SLC38A1: variants seen among roughly 807,000 people sequenced by gnomAD.
SLC38A1 encodes the protein solute carrier family 38 member 1.
In SLC38A1, 18 loss-of-function variants were observed where a neutral mutation model predicts 60.3. The ratio of observed to expected loss-of-function variants is 0.30; its 90% CI spans 0.21 to 0.44. The LOEUF (loss-of-function observed/expected upper bound fraction) is 0.44, where lower values mean the gene tolerates loss of function less well. Ranked by LOEUF, SLC38A1 falls within the 20% of genes least tolerant of loss-of-function variation. The pLI is 1.00. For synonymous variants in SLC38A1, 196 were observed against 212.1 expected (o/e 0.92, Z 0.66); for missense variants, 448 against 587.2 (o/e 0.76, Z 2.45).
In SLC38A1 at chr12:46,268,340, G is replaced by T. The variant is rs1312220421; in HGVS notation, c.-209+186C>A. Among the ~76,000 whole-genome samples, 1 of 152,210 alleles carries T rather than the reference G, an allele frequency of 6.6e-6. No individual in the cohort carries two copies. The highest frequency in any genetic ancestry group is 1.5e-5 in the Non-Finnish European group (1 of 68,028). Reference sequence around the variant, plus strand: ...GGCGCTTCCTCCCGCTGCCGCGTGCGTTCGGGAAGCACAGGAGACCTGGAC... The same window carrying T: ...GGCGCTTCCTCCCGCTGCCGCGTGCTTTCGGGAAGCACAGGAGACCTGGAC... On this transcript the variant is annotated intron_variant, in intron 1 of 16. Coordinates refer to ENST00000398637, the MANE Select transcript of SLC38A1 (RefSeq NM_030674.4). This position sits in a 1 kb window ranked among gnomAD's most constrained non-coding sequence, Gnocchi z 4.4.
At chr12:46,243,943 G>A (rs1941530166) in intron 1 of SLC38A1, among the ~76,000 whole-genome samples, 1 of 152,140 alleles carries the variant, frequency 6.6e-6, no homozygotes, top group Admixed American at 6.5e-5. Context: ...TATACTGCAT[G>A]GCGTTATAGA....
chr12:46,190,054 A>G (rs1202770831), intron 16 of SLC38A1, among the ~76,000 whole-genome samples: 1 of 152,044 alleles, frequency 6.6e-6, no homozygotes, highest in Non-Finnish European at 1.5e-5. Flanking sequence ...TGTAATTTAT[A>G]TTAGGTATTT....
At position 46,230,394 on chromosome 12, in the gene SLC38A1, A is replaced by G. The variant is rs555255652; in HGVS notation, c.123-755T>C. On this transcript the variant is annotated intron_variant, in intron 3 of 16. Transcript: ENST00000398637. Reference sequence around the variant, plus strand: ...AGCCAAGGCTTTGAGAAAGCAAGGGACTTAGAACTTGAATTCAAATCCTCA... The same window carrying G: ...AGCCAAGGCTTTGAGAAAGCAAGGGGCTTAGAACTTGAATTCAAATCCTCA... Among the ~76,000 whole-genome samples the G allele has an allele frequency of 2.0e-5, 3 of 152,304 alleles. No homozygotes were observed. The South Asian group carries it at 6.2e-4, about 32-fold the overall frequency.
chr12:46,219,866 C>A (rs1489505985), intron 5 of SLC38A1, among the ~76,000 whole-genome samples: 1 of 152,228 alleles, frequency 6.6e-6, no homozygotes, highest in Admixed American at 6.5e-5. Flanking sequence ...ACACTGCTGT[C>A]CTTGGATAGG....
chr12:46,265,721 G>A (rs1942330427), intron 1 of SLC38A1, among the ~76,000 whole-genome samples: 1 of 152,198 alleles, frequency 6.6e-6, no homozygotes, highest in Non-Finnish European at 1.5e-5. Context: ...CCTCATGAAA[G>A]AATGGAGATT....
chr12:46,218,905 T>A lies in SLC38A1; in HGVS notation c.315-9778A>T, dbSNP rs1190625201. On this transcript the variant is annotated intron_variant, in intron 5 of 16. Transcript: ENST00000398637. ...AATGGCAGAACTGGTTGGGCGAGAT[T>A]ACCAGTCTGGGTGGTGTCAGCTGAT... Among the ~76,000 whole-genome samples, 3 of 152,142 alleles carry A rather than the reference T, an allele frequency of 2.0e-5. No homozygotes were observed. In the East Asian group the frequency reaches 5.8e-4, roughly 29 times the overall value.
chr12:46,226,664 C>T, intron 5 of SLC38A1, among the ~76,000 whole-genome samples: 1 of 145,236 alleles, frequency 6.9e-6, no homozygotes, highest in Non-Finnish European at 1.5e-5. Flanking sequence ...TTGCTCTGTC[C>T]CCCAGGTTGG....
chr12:46,202,037 A>G (rs966546894), intron 12 of SLC38A1, among the ~76,000 whole-genome samples: 1 of 151,580 alleles, frequency 6.6e-6, no homozygotes, highest in Non-Finnish European at 1.5e-5. Context: ...TACAGAAAAT[A>G]CAAAAGTTAG....
intron 3 of SLC38A1, among the ~76,000 whole-genome samples, chr12:46,234,682 C>A (rs559867760): frequency 6.6e-6 from 1 of 152,016 alleles, no homozygotes; most frequent in African/African-American, 2.4e-5. Flanking sequence ...CTCCTGACCT[C>A]GTGATCCGCC....
chr12:46,263,115 A>C (rs1011174880), intron 1 of SLC38A1, among the ~76,000 whole-genome samples: 2 of 152,206 alleles, frequency 1.3e-5, no homozygotes, highest in African/African-American at 4.8e-5. Flanking sequence ...AATAAAAGTG[A>C]TAAGGGGACA....
chr12:46,203,160 C>G, intron 11 of SLC38A1, 71 bp from the exon 12 acceptor site: 1 of 1,256,232 alleles, frequency 8.0e-7, no homozygotes, highest in South Asian at 1.3e-5. Context: ...TCCAGTATTT[C>G]TGAGCTGTCT....
At chr12:46,209,840 T>G (rs780602692) in intron 5 of SLC38A1, among the ~76,000 whole-genome samples, 26 of 152,128 alleles carry the variant, frequency 1.7e-4, no homozygotes, top group Non-Finnish European at 3.5e-4. Context: ...CAAGAAAAAG[T>G]GCAGTTAAAA....
intron 1 of SLC38A1, among the ~76,000 whole-genome samples, chr12:46,248,500 A>G (rs890704337): frequency 1.3e-5 from 2 of 152,218 alleles, no homozygotes; most frequent in Admixed American, 1.3e-4. Flanking sequence ...ATATATATGC[A>G]CCCAATACAG....
intron 5 of SLC38A1, among the ~76,000 whole-genome samples, chr12:46,226,438 AAG>A (rs1159842642): frequency 2.6e-5 from 4 of 152,108 alleles, no homozygotes; most frequent in Admixed American, 2.0e-4. Context: ...AAATTCAATA[AAG>A]AGGGGAAAAA....
At chr12:46,222,754 A>C (rs1393095617) in intron 5 of SLC38A1, among the ~76,000 whole-genome samples, 1 of 152,192 alleles carries the variant, frequency 6.6e-6, no homozygotes, top group Non-Finnish European at 1.5e-5. Context: ...CCTGAAAGCA[A>C]TGGGAAATCT....
chr12:46,220,641 T>C (rs2137629735), intron 5 of SLC38A1, among the ~76,000 whole-genome samples: 1 of 152,332 alleles, frequency 6.6e-6, no homozygotes, highest in Non-Finnish European at 1.5e-5. Flanking sequence ...ACACAGACCA[T>C]CTTCGTTGCC....
rs372221603 is a variant in SLC38A1 at position 46,209,021 on chromosome 12, G to A, written c.388+33C>T. On this transcript the variant is annotated intron_variant, in intron 6 of 16. Coordinates refer to ENST00000398637, the MANE Select transcript of SLC38A1 (RefSeq NM_030674.4). ...GCTACCATAAAAATAATTCACCCTGGTTTTAACAAAATCAAACACGTCCTC... is the reference window on the plus strand; with the variant it reads ...GCTACCATAAAAATAATTCACCCTGATTTTAACAAAATCAAACACGTCCTC... 7 of 1,487,550 alleles carry A rather than the reference G, an allele frequency of 4.7e-6. No homozygotes were observed. The African/African-American group carries it at 8.3e-5, about 18-fold the overall frequency. 92.1% of individuals were successfully genotyped at this position (1,487,550 alleles called of 1,614,324 possible).
chr12:46,229,663 T>C, intron 3 of SLC38A1, 24 bp from the exon 4 acceptor site: 1 of 1,584,320 alleles, frequency 6.3e-7, no homozygotes, highest in Non-Finnish European at 8.7e-7. Flanking sequence ...CGTAATATAT[T>C]TAACCTTATG....
chr12:46,227,620 A>G (rs1327829243), intron 5 of SLC38A1, among the ~76,000 whole-genome samples: 1 of 152,194 alleles, frequency 6.6e-6, no homozygotes, highest in Admixed American at 6.5e-5. Flanking sequence ...CACTAGGTTA[A>G]TTTATAACTT....
Sources: gnomAD v4.1 joint callset for allele counts (sites outside exome capture counted in the v4.1 genomes callset) on GRCh38, gnomAD v4.1.1 for gene constraint, Gnocchi (gnomAD v3.1) non-coding constraint, MANE v1.5 for transcripts, NCBI Gene and HGNC (gene_info 2026-07-23, HGNC 2026-07-21) for gene names.